The following DLGAP2 variants were observed in gnomAD, a reference collection of about 807,000 sequenced individuals.
DLGAP2 encodes the protein disks large-associated protein 2.
A neutral mutation model predicts 100.3 loss-of-function variants in DLGAP2; 26 were observed. That is an observed-to-expected ratio of 0.26 (90% CI 0.19 to 0.36). The LOEUF is 0.36. Ranked by LOEUF, DLGAP2 falls within the 10% of genes least tolerant of loss-of-function variation. The pLI, the probability that DLGAP2 is intolerant of heterozygous loss-of-function variation, is 1.00. For missense variants in DLGAP2, 1,858 were observed against 1,453.2 expected (o/e 1.28, Z -4.53); for synonymous variants, 886 against 630.1 (o/e 1.41, Z -6.08).
At chr8:1,335,755 G>C (rs558545711) in intron 3 of DLGAP2, among the ~76,000 whole-genome samples, 28 of 152,332 alleles carry the variant, frequency 1.8e-4, no homozygotes, top group Admixed American at 3.3e-4. Context: ...GTGTTTTGTT[G>C]CTATGTTTAT....
rs555649848 is a variant in DLGAP2 at position 744,823 on chromosome 8, C to G, written c.18+6998C>G. On this transcript the variant is annotated intron_variant, in intron 1 of 14. Coordinates refer to ENST00000637795, the MANE Select transcript of DLGAP2 (RefSeq NM_001346810.2). ...TCCGTCCTTTCCTCATGTCTGTTCT[C>G]TCAAACCTAGTTGGAATGCTGCTTC... Among the ~76,000 whole-genome samples the G allele has an allele frequency of 1.1e-4, 16 of 152,344 alleles. No individual in the cohort carries two copies. In the South Asian group the frequency reaches 3.1e-3, roughly 30 times the overall value.
At chr8:1,261,998 C>G (rs1200227452) in intron 3 of DLGAP2, among the ~76,000 whole-genome samples, 2 of 152,202 alleles carry the variant, frequency 1.3e-5, no homozygotes, top group Non-Finnish European at 2.9e-5. Flanking sequence ...TAGCATCTCG[C>G]TTTCTTGTCA....
intron 2 of DLGAP2, among the ~76,000 whole-genome samples, chr8:924,866 A>G (rs563267482): frequency 1.1e-4 from 17 of 152,296 alleles, no homozygotes; most frequent in Non-Finnish European, 2.2e-4. Flanking sequence ...GATTGCCAGC[A>G]TGAGCCACCG....
At chr8:1,342,254 G>C (rs565154346) in intron 3 of DLGAP2, among the ~76,000 whole-genome samples, 1 of 152,158 alleles carries the variant, frequency 6.6e-6, no homozygotes, top group Non-Finnish European at 1.5e-5. Flanking sequence ...GCCAGGTTGT[G>C]AGGTTTTAAG....
At position 916,095 on chromosome 8, in the gene DLGAP2, G is replaced by A. The variant is rs141774483; in HGVS notation, c.73+8129G>A. 1.7e-3 allele frequency among the ~76,000 whole-genome samples: 253 copies of A among 151,606 alleles called. 2 individuals carry two copies. Among genetic ancestry groups the A allele is most frequent in the African/African-American group, 5.9e-3 (245 of 41,292 alleles). ...TCACCCGTCCGTCCATCTGTCCCAG[G>A]GCGTGGTTTCCATCTGTGTTAACCA... On this transcript the variant is annotated intron_variant, in intron 2 of 14. Transcript: ENST00000637795.
intron 2 of DLGAP2, among the ~76,000 whole-genome samples, chr8:1,197,892 T>C (rs1044070051): frequency 3.3e-5 from 5 of 152,156 alleles, no homozygotes; most frequent in Admixed American, 1.3e-4. Context: ...GTGTTTCCTC[T>C]CATGGGGAAT....
intron 6 of DLGAP2, among the ~76,000 whole-genome samples, chr8:1,580,858 A>G (rs1410270917): frequency 6.6e-6 from 1 of 151,854 alleles, no homozygotes; most frequent in African/African-American, 2.4e-5. Flanking sequence ...TACACACCAT[A>G]GTCGAACTAC....
chr8:916,632 T>A (rs1798599152), intron 2 of DLGAP2, among the ~76,000 whole-genome samples: 1 of 152,104 alleles, frequency 6.6e-6, no homozygotes, highest in South Asian at 2.1e-4. Flanking sequence ...GTTGTGCACA[T>A]GTACCCTAGA....
At chr8:1,430,322 T>C (rs7813445) in intron 3 of DLGAP2, among the ~76,000 whole-genome samples, 32,300 of 152,002 alleles carry the variant, frequency 0.21, 3,837 homozygotes, top group Middle Eastern at 0.29. Context: ...AAATCTTTAG[T>C]GGCTTCATTG....
chr8:1,680,053 A>C (rs11992631), intron 12 of DLGAP2, among the ~76,000 whole-genome samples: 35 of 151,486 alleles, frequency 2.3e-4, no homozygotes, highest in African/African-American at 6.8e-4. Flanking sequence ...ATTGACTTCT[A>C]AGCTAATACC....
intron 2 of DLGAP2, among the ~76,000 whole-genome samples, chr8:1,184,854 T>C (rs1262799286): frequency 4.6e-5 from 7 of 152,178 alleles, no homozygotes; most frequent in Non-Finnish European, 1.0e-4. Context: ...ATAATCTCCA[T>C]GCCAGTTAAG....
intron 2 of DLGAP2, among the ~76,000 whole-genome samples, chr8:1,143,961 G>A (rs1796563677): frequency 6.6e-6 from 1 of 152,210 alleles, no homozygotes; most frequent in South Asian, 2.1e-4. Flanking sequence ...GATAAGGGAA[G>A]GCAAGATAAT....
At chr8:1,555,232 C>G (rs766613077) in intron 5 of DLGAP2, among the ~76,000 whole-genome samples, 2 of 152,146 alleles carry the variant, frequency 1.3e-5, no homozygotes, top group African/African-American at 4.8e-5. Context: ...CGCAGCCCCT[C>G]GAGTTTCTGG....
chr8:1,588,703 AC>A (rs1168025069), intron 6 of DLGAP2, among the ~76,000 whole-genome samples: 1 of 147,654 alleles, frequency 6.8e-6, no homozygotes. Flanking sequence ...GCAGTTCAAG[AC>A]CAGTCTGGCC....
In DLGAP2 at chr8:1,519,814, C is replaced by T. The variant is rs1800524157; in HGVS notation, c.172+18383C>T. ...TGCCTGTCACAGTGGGTTTTGTGCT[C>T]AGCAGGTGATGGCCCCGGCAGGGCC... is the stretch of plus-strand genomic sequence containing the variant. On this transcript the variant is annotated intron_variant, in intron 4 of 14. Transcript: ENST00000637795. Among the ~76,000 whole-genome samples the T allele has an allele frequency of 3.3e-5, 5 of 152,374 alleles. No individual in the cohort carries two copies. The South Asian group carries it at 1.0e-3, about 32-fold the overall frequency.
chr8:970,581 C>T (rs924930521), intron 2 of DLGAP2, among the ~76,000 whole-genome samples: 3 of 152,160 alleles, frequency 2.0e-5, no homozygotes, highest in Admixed American at 6.6e-5. Context: ...TGTAAGAATA[C>T]TTATTTTGAG....
chr8:1,501,914 G>C (rs1357481317), intron 4 of DLGAP2, among the ~76,000 whole-genome samples: 1 of 152,150 alleles, frequency 6.6e-6, no homozygotes, highest in Non-Finnish European at 1.5e-5. Context: ...CACTTTCCCC[G>C]ATGCTGGTTC....
chr8:1,025,013 C>G (rs542474431), intron 2 of DLGAP2, among the ~76,000 whole-genome samples: 13 of 152,134 alleles, frequency 8.5e-5, no homozygotes, highest in African/African-American at 2.4e-4. Flanking sequence ...CTCTCTCTCT[C>G]TGTGTCTCTG....
intron 3 of DLGAP2, among the ~76,000 whole-genome samples, chr8:1,391,380 G>A (rs755326056): frequency 6.6e-5 from 10 of 152,326 alleles, no homozygotes; most frequent in Middle Eastern, 6.8e-3. Context: ...AGGCCAGATC[G>A]GATCTGTGCA....
Sources: allele counts gnomAD v4.1 joint callset (sites outside exome capture counted in the v4.1 genomes callset), GRCh38; gene constraint gnomAD v4.1.1; transcripts MANE v1.5; gene names NCBI Gene and HGNC (gene_info 2026-07-23, HGNC 2026-07-21).